The following MTX3 variants were observed in gnomAD, a reference collection of about 807,000 sequenced individuals.
MTX3 encodes metaxin-3.
Under a neutral mutation model 42.5 loss-of-function variants are expected in MTX3, and 27 were observed. That is an observed-to-expected ratio of 0.64 (90% CI 0.47 to 0.88). The LOEUF is 0.88. MTX3 is among the 40% of genes least tolerant of loss of function. MTX3 has a pLI of 0.00. For synonymous variants in MTX3, 144 were observed against 132.9 expected (o/e 1.08, Z -0.57); for missense variants, 378 against 367.0 (o/e 1.03, Z -0.25).
chr5:79,986,581 A>T, intron 7 of MTX3: 1 of 358,918 alleles, frequency 2.8e-6, no homozygotes, highest in South Asian at 2.1e-5. Context: ...AGCAGCAGGT[A>T]AAAATCATTT....
At position 79,977,896 on chromosome 5, in the gene MTX3, A is replaced by G. The variant is rs1831288180; in HGVS notation, c.*5788T>C. On this transcript the variant is annotated 3_prime_UTR_variant, in exon 9 of 9. Coordinates refer to ENST00000512528, the MANE Select transcript of MTX3 (RefSeq NM_001363818.2). ...TGCCTTTTTGGCACTTTTAAAGTAC[A>G]GCCAGAAAAGGTTTGGAAAATTGTT... 2.0e-5 allele frequency: 3 copies of G among 152,244 alleles called. No individual in the cohort carries two copies. The highest frequency in any genetic ancestry group is 6.5e-5 in the Admixed American group (1 of 15,288). 9.4% of individuals were successfully genotyped at this position (152,244 alleles called of 1,614,324 possible). A position where few individuals can be genotyped will look rare whatever the true frequency, so the allele number is the denominator to read the frequency against.
At chr5:79,988,989 T>TA in intron 4 of MTX3, among the ~76,000 whole-genome samples, 163 bp downstream of exon 4, 3 of 152,366 alleles carry the variant, frequency 2.0e-5, no homozygotes, top group East Asian at 3.9e-4. Flanking sequence ...CACATACTAG[T>TA]TGAATGCCTA....
chr5:79,990,931 C>A (rs1219559725), intron 1 of MTX3: 22 of 711,488 alleles, frequency 3.1e-5, no homozygotes, highest in Non-Finnish European at 4.8e-5. Flanking sequence ...CTTTGTGAGG[C>A]GGACAAAACT....
chr5:79,988,179 T>C, intron 6 of MTX3, 60 bp downstream of exon 6: 1 of 958,982 alleles, frequency 1.0e-6, no homozygotes, highest in Non-Finnish European at 1.6e-6. Flanking sequence ...TTGCTTTAAA[T>C]AGCTGCTCAC....
rs773876595 is a variant in MTX3, at chr5:79,981,860, G to T, written c.*1824C>A. On this transcript the variant is annotated 3_prime_UTR_variant, in exon 9 of 9. Transcript: ENST00000512528. ...TAATATACATGTAATGTACTTGTACGTTATAACTGTAATATATTTCAAATA... is the reference window on the plus strand; with the variant it reads ...TAATATACATGTAATGTACTTGTACTTTATAACTGTAATATATTTCAAATA... 1.2e-4 allele frequency: 18 copies of T among 151,622 alleles called. No homozygotes were observed. The highest frequency in any genetic ancestry group is 4.1e-4 in the African/African-American group (17 of 41,312). The allele number at this position is 151,622 out of a possible 1,614,324, so 9.4% of individuals were successfully genotyped here. A position where few individuals can be genotyped will look rare whatever the true frequency, so the allele number is the denominator to read the frequency against.
chr5:79,983,760 G>T lies in MTX3; in HGVS notation c.863C>A (p.Pro288His). ...TTTAAGTGTTGGCAGTTTCCGAGGA[G>T]GAAGCTGAGGGCTTTGGCGAAGATT... ...DDNLRQSPQL[P>H]PRKLPTLKLT... The change falls in exon 9 of 9, where the codon CCT becomes CAT. Residue 288 changes from proline (P) to histidine (H), a missense_variant. By Grantham distance (77) the Pro-to-His change is moderately conservative (BLOSUM62 -2). Coordinates refer to ENST00000512528, the MANE Select transcript of MTX3 (RefSeq NM_001363818.2). 6.2e-7 allele frequency: 1 copy of T among 1,613,792 alleles called. No homozygotes were observed. The highest frequency in any genetic ancestry group is 8.5e-7 in the Non-Finnish European group (1 of 1,179,748).
Position 79,991,193 on chromosome 5 carries a change from GTCCCCAGCCGCC to G in MTX3, c.34_45del (p.Gly12_Gly15del). On this transcript the variant is annotated inframe_deletion, in exon 1 of 9. Transcript: ENST00000512528. ...AGGGACTCGCTGTGAACCGATGGGA[GTCCCCAGCCGCC>G]TCCCCAGCAACTGAGTTCCAAGGGG... The G allele has an allele frequency of 1.3e-6, 2 of 1,489,318 alleles. No individual in the cohort carries two copies. Among genetic ancestry groups the G allele is most frequent in the Non-Finnish European group, 1.8e-6 (2 of 1,113,552 alleles). 92.3% of individuals were successfully genotyped at this position (1,489,318 alleles called of 1,614,324 possible).
chr5:79,985,303 C>T (rs1042827268), intron 8 of MTX3, among the ~76,000 whole-genome samples: 1 of 151,824 alleles, frequency 6.6e-6, no homozygotes, highest in Non-Finnish European at 1.5e-5. Flanking sequence ...TAAAGCAAAT[C>T]TTTTGGATTT....
Position 79,988,220 on chromosome 5 carries a change from T to G in MTX3, c.581+19A>C. The G allele has an allele frequency of 1.4e-6, 2 of 1,427,738 alleles. No individual in the cohort carries two copies. The highest frequency in any genetic ancestry group is 1.7e-4 in the Middle Eastern group (1 of 5,766). The allele number at this position is 1,427,738 out of a possible 1,614,324, so 88.4% of individuals were successfully genotyped here. A position where few individuals can be genotyped will look rare whatever the true frequency, so the allele number is the denominator to read the frequency against. ...ATATGTGCACAAAATACCAAAATGA[T>G]TTTTAAGGGAATACTCACGTATCTC... On this transcript the variant is annotated intron_variant, in intron 6 of 8. Transcript: ENST00000512528.
intron 1 of MTX3, 54 bp downstream of exon 1, chr5:79,991,104 G>A (rs900209335): frequency 2.7e-6 from 4 of 1,496,718 alleles, no homozygotes; most frequent in African/African-American, 2.8e-5. Context: ...AGTCAGCCTG[G>A]CGCCTCCAGC....
In MTX3 at chr5:79,976,955, T is replaced by C. The variant is rs1223185442; in HGVS notation, c.*6729A>G. The C allele has an allele frequency of 6.6e-6, 1 of 152,498 alleles. No homozygotes were observed. The highest frequency in any genetic ancestry group is 2.4e-5 in the African/African-American group (1 of 41,450). The allele number at this position is 152,498 out of a possible 1,614,324, so 9.4% of individuals were successfully genotyped here. On this transcript the variant is annotated 3_prime_UTR_variant, in exon 9 of 9. Transcript: ENST00000512528. The stretch of plus-strand genomic sequence containing the variant: ...TACTTTATAAAGAAGCTAGAGTAGT[T>C]GTGCAACTAGAACAGATGTTTTTAA...
intron 4 of MTX3, 88 bp downstream of exon 4, chr5:79,989,064 A>T: frequency 2.2e-6 from 2 of 909,512 alleles, no homozygotes; most frequent in Non-Finnish European, 3.3e-6. Context: ...ATTTTCTCTT[A>T]AGACTTTTCT....
Position 79,983,908 on chromosome 5 carries a change from G to C in MTX3, c.829-114C>G, listed in dbSNP as rs879024820. 6 of 625,958 alleles carry C rather than the reference G, an allele frequency of 9.6e-6. No homozygotes were observed. In the South Asian group the frequency reaches 1.4e-4, roughly 14 times the overall value. 38.8% of individuals were successfully genotyped at this position (625,958 alleles called of 1,614,324 possible). On this transcript the variant is annotated intron_variant, in intron 8 of 8. Coordinates refer to ENST00000512528, the MANE Select transcript of MTX3 (RefSeq NM_001363818.2). The stretch of plus-strand genomic sequence containing the variant: ...GAGTACAGAACCATATGTTTCCTGG[G>C]CTGCTAGAGAAACCTTTTTCTTACA...
intron 7 of MTX3, among the ~76,000 whole-genome samples, chr5:79,985,911 G>A (rs142420707): frequency 6.9e-6 from 1 of 144,692 alleles, no homozygotes; most frequent in African/African-American, 2.6e-5. Flanking sequence ...TCTGCAATTG[G>A]CCACAATAAT....
chr5:79,979,770 T>C lies in MTX3; in HGVS notation c.*3914A>G, dbSNP rs527684281. On this transcript the variant is annotated 3_prime_UTR_variant, in exon 9 of 9. Coordinates refer to ENST00000512528, the MANE Select transcript of MTX3 (RefSeq NM_001363818.2). ...GTTTTTGGTTTTAGGGTTTTTTTTTTCTTTTCTGGTAAGGCAAAATAGATC... is the reference window on the plus strand; with the variant it reads ...GTTTTTGGTTTTAGGGTTTTTTTTTCCTTTTCTGGTAAGGCAAAATAGATC... 6.6e-6 allele frequency: 1 copy of C among 152,014 alleles called. No homozygotes were observed. Among genetic ancestry groups the C allele is most frequent in the East Asian group, 1.9e-4 (1 of 5,190 alleles). 9.4% of individuals were successfully genotyped at this position (152,014 alleles called of 1,614,324 possible). A position where few individuals can be genotyped will look rare whatever the true frequency, so the allele number is the denominator to read the frequency against.
intron 8 of MTX3, 104 bp downstream of exon 8, chr5:79,985,467 T>TA (rs1160350022): frequency 1.6e-4 from 123 of 747,468 alleles, no homozygotes; most frequent in East Asian, 3.5e-4. Context: ...ACAAACTCTA[T>TA]AAAAAAAACT....
chr5:79,984,526 A>G lies in MTX3; in HGVS notation c.829-732T>C, dbSNP rs138238646. Among the ~76,000 whole-genome samples, 6 of 152,258 alleles carry G rather than the reference A, an allele frequency of 3.9e-5. No homozygotes were observed. The East Asian group carries it at 1.2e-3, about 29-fold the overall frequency. ...ATGAGGTAACCCACATCAAGCTCAA[A>G]TAACACAGTGGTGGACCTCAAAAAC... On this transcript the variant is annotated intron_variant, in intron 8 of 8. Transcript: ENST00000512528.
rs1831337098 is a variant in MTX3, at chr5:79,980,046, G to A, written c.*3638C>T. ...TTCAGAGAGATCCCAGGTACCCACT[G>A]CTTAGCTTCCTTTCTTTACATGTAA... On this transcript the variant is annotated 3_prime_UTR_variant, in exon 9 of 9. Transcript: ENST00000512528. The A allele has an allele frequency of 1.3e-5, 2 of 152,234 alleles. No individual in the cohort carries two copies. Among genetic ancestry groups the A allele is most frequent in the East Asian group, 1.9e-4 (1 of 5,186 alleles). The allele number at this position is 152,234 out of a possible 1,614,324, so 9.4% of individuals were successfully genotyped here.
At chr5:79,989,497 C>A (rs2151143609) in intron 3 of MTX3, among the ~76,000 whole-genome samples, 1 of 152,242 alleles carries the variant, frequency 6.6e-6, no homozygotes, top group South Asian at 2.1e-4. Flanking sequence ...TTGTTAATGA[C>A]CTAGTTCAGT....
Sources: gnomAD v4.1 joint callset for allele counts (sites outside exome capture counted in the v4.1 genomes callset) on GRCh38, gnomAD v4.1.1 for gene constraint, MANE v1.5 for transcripts, NCBI Gene and HGNC (gene_info 2026-07-23, HGNC 2026-07-21) for gene names.